CAMK1G: variants seen among roughly 807,000 people sequenced by gnomAD.
The protein encoded by CAMK1G is calcium/calmodulin-dependent protein kinase type 1G.
In CAMK1G, 27 loss-of-function variants were observed where a neutral mutation model predicts 54.8. The observed-to-expected ratio is 0.49, with a 90% CI of 0.36 to 0.68. The LOEUF is 0.68. Ranked by LOEUF, CAMK1G falls within the 30% of genes least tolerant of loss-of-function variation. CAMK1G has a pLI of 0.00. For synonymous variants in CAMK1G, 238 were observed against 224.9 expected (o/e 1.06, Z -0.52); for missense variants, 512 against 591.0 (o/e 0.87, Z 1.39).
At chr1:209,600,228 T>A in intron 3 of CAMK1G, 117 bp downstream of exon 3, 1 of 1,241,018 alleles carries the variant, frequency 8.1e-7, no homozygotes, top group Non-Finnish European at 1.1e-6. Context: ...CTCACTTTGA[T>A]TGAGTTGATG....
At chr1:209,600,637 A>G (rs762111976) in intron 3 of CAMK1G, among the ~76,000 whole-genome samples, 1 of 152,254 alleles carries the variant, frequency 6.6e-6, no homozygotes, top group African/African-American at 2.4e-5. Context: ...GAGGCAGACA[A>G]AATTCCTTAC....
At chr1:209,599,894 C>A (rs909067542) in intron 2 of CAMK1G, 89 bp from the exon 3 acceptor site, 46 of 1,497,680 alleles carry the variant, frequency 3.1e-5, no homozygotes, top group Non-Finnish European at 3.9e-5. Flanking sequence ...ACTATATAGA[C>A]TCTGTTACGT....
chr1:209,605,756 T>C, intron 5 of CAMK1G, 82 bp downstream of exon 5: 1 of 1,430,250 alleles, frequency 7.0e-7, no homozygotes, highest in Non-Finnish European at 9.5e-7. Context: ...CTAAGCTCCA[T>C]AAAGTAAGAG....
chr1:209,604,954 T>C (rs1174733506), intron 4 of CAMK1G, among the ~76,000 whole-genome samples: 1 of 152,108 alleles, frequency 6.6e-6, no homozygotes, highest in Non-Finnish European at 1.5e-5. Context: ...ATAGAGTAGA[T>C]GGTATTCATG....
At chr1:209,587,222 C>T (rs1665125010) in intron 1 of CAMK1G, among the ~76,000 whole-genome samples, 1 of 151,970 alleles carries the variant, frequency 6.6e-6, no homozygotes, top group African/African-American at 2.4e-5. Context: ...AGTTCTGACA[C>T]AGGCCCAGCC....
intron 2 of CAMK1G, among the ~76,000 whole-genome samples, chr1:209,596,214 C>T (rs573679507): frequency 9.8e-5 from 15 of 152,346 alleles, no homozygotes; most frequent in East Asian, 9.7e-4. Flanking sequence ...AGGATCCCAG[C>T]GGGGTGCTGG....
intron 1 of CAMK1G, among the ~76,000 whole-genome samples, chr1:209,588,879 A>G (rs1390480134): frequency 1.3e-5 from 2 of 152,200 alleles, no homozygotes; most frequent in Non-Finnish European, 2.9e-5. Flanking sequence ...CACTGGGAGC[A>G]TGGAAAGGGC....
intron 8 of CAMK1G, 38 bp downstream of exon 8, chr1:209,609,130 A>C (rs772934563): frequency 6.2e-7 from 1 of 1,613,212 alleles, no homozygotes; most frequent in South Asian, 1.1e-5. Flanking sequence ...TAACAGGCTC[A>C]AGGTAGAGGC....
chr1:209,606,307 T>G lies in CAMK1G; in HGVS notation c.436-13T>G, dbSNP rs35498535. 0.16 allele frequency: 265,777 copies of G among 1,611,622 alleles called. 23,576 individuals are homozygous for G. The highest frequency in any genetic ancestry group is 0.3 in the African/African-American group (22,494 of 74,862). ...GTGGTTATATCCTACACTACATATTTTTTCTCCTACAGCCCGAAAACCTGC... is the reference window on the plus strand; with the variant it reads ...GTGGTTATATCCTACACTACATATTGTTTCTCCTACAGCCCGAAAACCTGC... On this transcript the variant is annotated splice_polypyrimidine_tract_variant and intron_variant, in intron 5 of 12. Transcript: ENST00000361322.
chr1:209,590,169 A>T (rs1665210032), intron 1 of CAMK1G, among the ~76,000 whole-genome samples: 1 of 152,220 alleles, frequency 6.6e-6, no homozygotes, highest in Admixed American at 6.5e-5. Flanking sequence ...CAAGCTCCTT[A>T]GAATTTGTTT....
chr1:209,608,364 G>A lies in CAMK1G; in HGVS notation c.635+431G>A, dbSNP rs572623882. Among the ~76,000 whole-genome samples, 79 of 152,238 alleles carry A rather than the reference G, an allele frequency of 5.2e-4. 5 individuals are homozygous for A. In the South Asian group the frequency reaches 0.015, roughly 28 times the overall value. On this transcript the variant is annotated intron_variant, in intron 7 of 12. Transcript: ENST00000361322. Reference sequence around the variant, plus strand: ...CAAAACTGTGGCCTGGATAAAGCTGGTCAGGGCCTTTCCTTTTCGCTCCTC... The same window carrying A: ...CAAAACTGTGGCCTGGATAAAGCTGATCAGGGCCTTTCCTTTTCGCTCCTC...
intron 7 of CAMK1G, 86 bp from the exon 8 acceptor site, chr1:209,608,894 T>C (rs1277420106): frequency 7.7e-6 from 12 of 1,565,516 alleles, no homozygotes; most frequent in African/African-American, 1.4e-5. Context: ...CACCTGTGTA[T>C]ACAGTGGGAG....
rs111561436 is a variant in CAMK1G, at chr1:209,587,951, C to T, written c.-30+4179C>T. 4.5e-3 allele frequency among the ~76,000 whole-genome samples: 692 copies of T among 152,294 alleles called. 3 individuals are homozygous for T. The highest frequency in any genetic ancestry group is 0.015 in the African/African-American group (630 of 41,540). On this transcript the variant is annotated intron_variant, in intron 1 of 12. Coordinates refer to ENST00000361322, the MANE Select transcript of CAMK1G (RefSeq NM_020439.3). ...CCAACTGATAACCTCCCTCCCAAGGCCCATAGGCTTTTCTGAGTCATGCTC... is the reference window on the plus strand; with the variant it reads ...CCAACTGATAACCTCCCTCCCAAGGTCCATAGGCTTTTCTGAGTCATGCTC...
chr1:209,612,030 G>C lies in CAMK1G; in HGVS notation c.1154G>C (p.Gly385Ala). The change falls in exon 11 of 13, where the codon GGT (glycine) becomes GCT (alanine). Residue 385 changes from glycine (G) to alanine (A), a missense_variant. Gly to Ala is a moderately conservative substitution (Grantham distance 60, BLOSUM62 0). Transcript: ENST00000361322. The part of the protein sequence containing the change: ...CQHGRRPTAP[G>A]GRSLNCLVNG... Reference sequence around the variant, plus strand: ...CATGGCCGCCGGCCCACTGCCCCTGGTGGCAGGTCCCTCAACTGCCTGGTC... The same window carrying C: ...CATGGCCGCCGGCCCACTGCCCCTGCTGGCAGGTCCCTCAACTGCCTGGTC... 6.2e-7 allele frequency: 1 copy of C among 1,614,176 alleles called. No homozygotes were observed. The highest frequency in any genetic ancestry group is 8.5e-7 in the Non-Finnish European group (1 of 1,180,026).
chr1:209,591,993 G>A (rs1159439437), intron 1 of CAMK1G, among the ~76,000 whole-genome samples: 1 of 152,170 alleles, frequency 6.6e-6, no homozygotes, highest in Non-Finnish European at 1.5e-5. Flanking sequence ...CTTGGGGCAA[G>A]GGGGAGGTGG....
intron 5 of CAMK1G, 23 bp downstream of exon 5, chr1:209,605,697 T>G (rs771611352): frequency 6.2e-7 from 1 of 1,607,456 alleles, no homozygotes; most frequent in South Asian, 1.1e-5. Flanking sequence ...GAGTCCTGGG[T>G]GGGAAACAGA....
At chr1:209,606,467 G>A (rs201553423) in intron 6 of CAMK1G, 24 bp downstream of exon 6, 1 of 1,610,462 alleles carries the variant, frequency 6.2e-7, no homozygotes, top group Non-Finnish European at 8.5e-7. Flanking sequence ...CAGGAGGAAG[G>A]TTGACCAGTT....
chr1:209,609,702 A>G, intron 8 of CAMK1G, 149 bp from the exon 9 acceptor site: 1 of 739,594 alleles, frequency 1.4e-6, no homozygotes, highest in Non-Finnish European at 2.3e-6. Context: ...GGTGGTTTGG[A>G]TTTTTTTTCC....
chr1:209,587,432 T>C (rs1297093331), intron 1 of CAMK1G, among the ~76,000 whole-genome samples: 1 of 152,132 alleles, frequency 6.6e-6, no homozygotes, highest in Non-Finnish European at 1.5e-5. Context: ...AATTTCACTA[T>C]CTACGAAATT....
Sources: gnomAD v4.1 joint callset for allele counts (sites outside exome capture counted in the v4.1 genomes callset) on GRCh38, gnomAD v4.1.1 for gene constraint, MANE v1.5 for transcripts, NCBI Gene and HGNC (gene_info 2026-07-23, HGNC 2026-07-21) for gene names.